Variants in BCLAF3 observed in about 807,000 individuals in gnomAD.
The protein encoded by BCLAF3 is BCLAF1 and THRAP3 family member 3.
In BCLAF3, 24 loss-of-function variants were observed where a neutral mutation model predicts 51.2. The ratio of observed to expected loss-of-function variants is 0.47; its 90% CI spans 0.34 to 0.66. The LOEUF (loss-of-function observed/expected upper bound fraction) is 0.66, where lower values mean the gene tolerates loss of function less well. BCLAF3 is among the 30% of genes least tolerant of loss of function. BCLAF3 has a pLI of 0.01. For missense variants in BCLAF3, 465 were observed against 525.1 expected, an observed-to-expected ratio of 0.89 and a Z score of 1.12; for synonymous variants, 152 against 176.6, an observed-to-expected ratio of 0.86 and a Z score of 1.10.
At chrX:19,949,856 T>C (rs1197619563) in intron 8 of BCLAF3, among the ~76,000 whole-genome samples, 1 of 111,794 alleles carries the variant, frequency 8.9e-6, no homozygotes, top group Non-Finnish European at 1.9e-5. Flanking sequence ...CCAAGTAGTA[T>C]AAGAACTCAA....
chrX:19,953,146 T>C, intron 6 of BCLAF3, 95 bp from the exon 7 acceptor site: 3 of 733,747 alleles, frequency 4.1e-6, no homozygotes, highest in Non-Finnish European at 6.0e-6. Flanking sequence ...ATAAAGCTAG[T>C]ATGTTTTGGA....
intron 11 of BCLAF3, among the ~76,000 whole-genome samples, chrX:19,917,820 T>C (rs1187711356): frequency 2.7e-5 from 3 of 111,923 alleles, no homozygotes; most frequent in Non-Finnish European, 5.6e-5. Flanking sequence ...TTCTTACTTT[T>C]GGATGGTTGA....
chrX:19,977,674 C>A (rs2072472574), intron 1 of BCLAF3, among the ~76,000 whole-genome samples: 1 of 112,583 alleles, frequency 8.9e-6, no homozygotes, highest in Non-Finnish European at 1.9e-5. Context: ...AGCAAGTTAT[C>A]CAGAAGATCG....
intron 4 of BCLAF3, among the ~76,000 whole-genome samples, chrX:19,958,579 T>C (rs182016714): frequency 8.0e-5 from 9 of 112,245 alleles, no homozygotes; most frequent in Admixed American, 7.5e-4. Context: ...TGTTTAGATA[T>C]GTTTAGATAC....
At chrX:19,923,544 G>A (rs779209864) in intron 11 of BCLAF3, 47 of 112,815 alleles carry the variant, frequency 4.2e-4, no homozygotes, top group Non-Finnish European at 7.7e-4. Context: ...TATATTCACA[G>A]AGTTGTGCAA....
chrX:19,928,444 G>A (rs189083806), intron 11 of BCLAF3, among the ~76,000 whole-genome samples: 1 of 109,211 alleles, frequency 9.2e-6, no homozygotes, highest in Non-Finnish European at 1.9e-5. Flanking sequence ...TTAGCCAGGC[G>A]TAGTGGCAGG....
rs113299478 is a variant in BCLAF3, at chrX:19,928,251, C to T, written c.2106+1534G>A. Among the ~76,000 whole-genome samples the T allele has an allele frequency of 1.5e-3, 164 of 110,392 alleles. 1 individual carries two copies. The highest frequency in any genetic ancestry group is 5.1e-3 in the African/African-American group (155 of 30,494). On this transcript the variant is annotated intron_variant, in intron 11 of 11. Coordinates refer to ENST00000379682, the MANE Select transcript of BCLAF3 (RefSeq NM_001367774.2). ...ATCAATCTACAACTAAAAGAGTATG[C>T]AATTCCAATTACCAAGTAAAGAAAC... is the stretch of plus-strand genomic sequence containing the variant.
intron 7 of BCLAF3, among the ~76,000 whole-genome samples, chrX:19,951,402 C>T (rs767054089): frequency 1.9e-5 from 2 of 105,765 alleles, no homozygotes; most frequent in Non-Finnish European, 3.9e-5. Flanking sequence ...TCAAGACCAG[C>T]CTGGCCAACA....
rs148491176 is a variant in BCLAF3 at position 19,974,114 on chromosome X, C to G, written c.-34-3816G>C. Among the ~76,000 whole-genome samples, 563 of 111,663 alleles carry G rather than the reference C, an allele frequency of 5.0e-3. 1 individual carries two copies. The highest frequency in any genetic ancestry group is 8.5e-3 in the Non-Finnish European group (452 of 53,106). On this transcript the variant is annotated intron_variant, in intron 1 of 11. Coordinates refer to ENST00000379682, the MANE Select transcript of BCLAF3 (RefSeq NM_001367774.2). ...GCCAAAATCCGTGCATATCCAAGTCCCTCTGTATAGGCAGCTTTCACATAT... is the reference window on the plus strand; with the variant it reads ...GCCAAAATCCGTGCATATCCAAGTCGCTCTGTATAGGCAGCTTTCACATAT...
rs1028528449 is a variant in BCLAF3 at position 19,937,213 on chromosome X, A to G, written c.1860+205T>C. ...TAAGAAAGCTAGATTTATTAGCTTT[A>G]TTTAATGAATCCAATAAAATCCTAC... is the stretch of plus-strand genomic sequence containing the variant. On this transcript the variant is annotated intron_variant, in intron 9 of 11. Transcript: ENST00000379682. The G allele has an allele frequency of 1.5e-5, 6 of 396,704 alleles. No individual in the cohort carries two copies. The African/African-American group carries it at 1.5e-4, about 10-fold the overall frequency. The allele number at this position is 396,704 out of a possible 1,213,427, so 32.7% of individuals were successfully genotyped here. A position where few individuals can be genotyped will look rare whatever the true frequency, so the allele number is the denominator to read the frequency against.
At chrX:19,920,339 T>G (rs2070102643) in intron 11 of BCLAF3, among the ~76,000 whole-genome samples, 1 of 111,822 alleles carries the variant, frequency 8.9e-6, no homozygotes, top group Non-Finnish European at 1.9e-5. Context: ...AAAGACTATA[T>G]GCTAAGTCGT....
intron 2 of BCLAF3, among the ~76,000 whole-genome samples, chrX:19,968,196 A>G (rs2072124672): frequency 8.9e-6 from 1 of 112,703 alleles, no homozygotes; most frequent in Non-Finnish European, 1.9e-5. Flanking sequence ...AACAGTTGCT[A>G]TTGTTTTTGG....
At chrX:19,950,231 A>AT (rs1297482023) in intron 8 of BCLAF3, among the ~76,000 whole-genome samples, 1 of 111,782 alleles carries the variant, frequency 8.9e-6, no homozygotes, top group Non-Finnish European at 1.9e-5. Context: ...TCTCCTCTGC[A>AT]TTTTCTACTA....
chrX:19,968,656 A>G, intron 2 of BCLAF3, among the ~76,000 whole-genome samples: 1 of 113,144 alleles, frequency 8.8e-6, no homozygotes, highest in South Asian at 3.6e-4. Context: ...CTGACCCAAG[A>G]GTGCCCTGTG....
chrX:19,985,341 G>A (rs934442152), intron 1 of BCLAF3, among the ~76,000 whole-genome samples: 1 of 111,986 alleles, frequency 8.9e-6, no homozygotes, highest in Non-Finnish European at 1.9e-5. Context: ...TGCTTTGGGA[G>A]GCTAAGGTGG....
chrX:19,920,361 C>G (rs374887206), intron 11 of BCLAF3, among the ~76,000 whole-genome samples: 2 of 111,624 alleles, frequency 1.8e-5, no homozygotes, highest in East Asian at 5.6e-4. Flanking sequence ...TGAGTCCTAG[C>G]AAAACCTGGG....
intron 4 of BCLAF3, among the ~76,000 whole-genome samples, chrX:19,959,775 G>A (rs747327617): frequency 1.8e-5 from 2 of 109,728 alleles, no homozygotes; most frequent in Admixed American, 9.6e-5. Flanking sequence ...AGACTCTGCC[G>A]AGAGAGAGAA....
intron 11 of BCLAF3, among the ~76,000 whole-genome samples, chrX:19,918,937 G>C (rs1181721366): frequency 9.0e-6 from 1 of 110,505 alleles, no homozygotes; most frequent in Non-Finnish European, 1.9e-5. Flanking sequence ...ACGTTCCCTT[G>C]TTGGTCTTCC....
At chrX:19,954,017 G>A (rs1288459039) in intron 5 of BCLAF3, 125 bp from the exon 6 acceptor site, 34 of 1,046,030 alleles carry the variant, frequency 3.3e-5, no homozygotes, top group Non-Finnish European at 2.9e-5. Context: ...AAAATATGTG[G>A]GACCCAAACT....
Sources: gnomAD v4.1 joint callset for allele counts (sites outside exome capture counted in the v4.1 genomes callset) on GRCh38, gnomAD v4.1.1 for gene constraint, MANE v1.5 for transcripts, NCBI Gene and HGNC (gene_info 2026-07-23, HGNC 2026-07-21) for gene names.